Variants in NANOS3 observed in about 807,000 individuals in gnomAD.
The protein encoded by NANOS3 is nanos homolog 3.
A neutral mutation model predicts 13.8 loss-of-function variants in NANOS3; 11 were observed. That is an observed-to-expected ratio of 0.80 (90% CI 0.50 to 1.32). The LOEUF is 1.32. Among genes scored for constraint, NANOS3 ranks in the 40% most tolerant of loss-of-function variants. The probability of loss-of-function intolerance (pLI) is 0.00; values close to 1 mark genes in which losing one functional copy is unlikely to be tolerated. For synonymous variants in NANOS3, 119 were observed against 115.4 expected (o/e 1.03, Z -0.20); for missense variants, 221 against 263.8 (o/e 0.84, Z 1.12).
upstream of NANOS3, among the ~76,000 whole-genome samples, chr19:13,873,928 A>T (rs751150234): frequency 6.6e-6 from 1 of 151,872 alleles, no homozygotes; most frequent in Non-Finnish European, 1.5e-5. Flanking sequence ...TGGTCGCCGA[A>T]CTCTGTGCGA....
At chr19:13,879,065 G>T (rs964714605) in intron 1 of NANOS3, among the ~76,000 whole-genome samples, 1 of 151,946 alleles carries the variant, frequency 6.6e-6, no homozygotes, top group African/African-American at 2.4e-5. Context: ...TCAGCCTCCC[G>T]AGTAGCTGGG....
upstream of NANOS3, among the ~76,000 whole-genome samples, chr19:13,876,880 A>G (rs1968523541): frequency 6.6e-6 from 1 of 152,118 alleles, no homozygotes; most frequent in Non-Finnish European, 1.5e-5. Context: ...GGACTCCTAC[A>G]AGGAGGGGAG....
upstream of NANOS3, among the ~76,000 whole-genome samples, chr19:13,872,535 T>C (rs1219309414): frequency 6.6e-6 from 1 of 152,098 alleles, no homozygotes; most frequent in Non-Finnish European, 1.5e-5. Flanking sequence ...GTCCACAAAA[T>C]GGGTATATCC....
rs1338936655 is a variant in NANOS3 at position 13,877,168 on chromosome 19, A to T, written c.-81A>T. The T allele has an allele frequency of 1.7e-6, 2 of 1,188,764 alleles. No individual in the cohort carries two copies. Among genetic ancestry groups the T allele is most frequent in the Non-Finnish European group, 2.4e-6 (2 of 830,080 alleles). The allele number at this position is 1,188,764 out of a possible 1,614,324, so 73.6% of individuals were successfully genotyped here. ...AGAGGGGAAGGAAGGGGCAGCAGAG[A>T]GGGGTCAGAAGGAGGGAGCTTAAGC... On this transcript the variant is annotated 5_prime_UTR_variant, in exon 1 of 2. Coordinates refer to ENST00000339133, the MANE Select transcript of NANOS3 (RefSeq NM_001098622.3).
chr19:13,877,347 G>A lies in NANOS3; in HGVS notation c.99G>A (p.Gln33=). ...GTCCTGAAACCAGGCTGAGCCCCCAGCCAGAGCCAGAGCCAATGCTGGAGC... is the reference window on the plus strand; with the variant it reads ...GTCCTGAAACCAGGCTGAGCCCCCAACCAGAGCCAGAGCCAATGCTGGAGC... ...KEGPETRLSP[Q]PEPEPMLEPV... The change falls in exon 1 of 2, where the codon CAG becomes CAA. Residue 33 remains glutamine (Q), a synonymous_variant. Coordinates refer to ENST00000339133, the MANE Select transcript of NANOS3 (RefSeq NM_001098622.3). 1 of 1,612,404 alleles carries A rather than the reference G, an allele frequency of 6.2e-7. No individual in the cohort carries two copies. The highest frequency in any genetic ancestry group is 1.1e-5 in the South Asian group (1 of 91,082).
intron 1 of NANOS3, among the ~76,000 whole-genome samples, chr19:13,866,088 C>T (rs1331743264): frequency 6.6e-6 from 1 of 152,142 alleles, no homozygotes; most frequent in African/African-American, 2.4e-5. Context: ...GGCCGCCCCT[C>T]CGGCCTGTCA....
At chr19:13,876,347 A>G (rs1968511646), upstream of NANOS3, among the ~76,000 whole-genome samples, 1 of 151,992 alleles carries the variant, frequency 6.6e-6, no homozygotes, top group East Asian at 1.9e-4. Context: ...TTTAGTAGAG[A>G]CAGGGTTTCA....
At chr19:13,880,199 G>C (rs1430569417) in intron 1 of NANOS3, among the ~76,000 whole-genome samples, 1 of 152,146 alleles carries the variant, frequency 6.6e-6, no homozygotes, top group Non-Finnish European at 1.5e-5. Context: ...GGGGACCCCA[G>C]AGCACGGCGG....
chr19:13,869,456 G>A (rs959529862), intron 1 of NANOS3, among the ~76,000 whole-genome samples: 2 of 152,114 alleles, frequency 1.3e-5, no homozygotes, highest in African/African-American at 2.4e-5. Flanking sequence ...CACCGCCCAC[G>A]GGCTGGGTGG....
At chr19:13,874,586 CTGAAAAGCGT>C, upstream of NANOS3, 1 of 399,168 alleles carries the variant, frequency 2.5e-6, no homozygotes, top group South Asian at 1.8e-5. Flanking sequence ...CAAACAGCAC[CTGAAAAGCGT>C]TTGTTTATTT....
chr19:13,880,383 T>C (rs1308135927), intron 1 of NANOS3, 59 bp from the exon 2 acceptor site: 9 of 1,551,226 alleles, frequency 5.8e-6, no homozygotes, highest in Admixed American at 1.7e-5. Flanking sequence ...CGTGGGCAAC[T>C]TGGGGAGCGT....
upstream of NANOS3, among the ~76,000 whole-genome samples, chr19:13,874,439 A>G (rs1968467625): frequency 6.6e-6 from 1 of 152,170 alleles, no homozygotes; most frequent in African/African-American, 2.4e-5. Flanking sequence ...CACCTCCAGG[A>G]TCACTTTGTG....
chr19:13,862,791 C>A (rs1203404547), upstream of NANOS3, among the ~76,000 whole-genome samples: 1 of 152,234 alleles, frequency 6.6e-6, no homozygotes, highest in Non-Finnish European at 1.5e-5. Flanking sequence ...CCCGCCTCGG[C>A]CTCCCAAAAT....
At chr19:13,866,553 TA>T (rs1284241288) in intron 1 of NANOS3, among the ~76,000 whole-genome samples, 1 of 152,186 alleles carries the variant, frequency 6.6e-6, no homozygotes, top group East Asian at 1.9e-4. Context: ...GCCACGTGTG[TA>T]GACACGTCAC....
intron 1 of NANOS3, among the ~76,000 whole-genome samples, chr19:13,870,075 G>C (rs1255305414): frequency 6.6e-6 from 1 of 151,464 alleles, no homozygotes; most frequent in Non-Finnish European, 1.5e-5. Flanking sequence ...TTTGAGACAG[G>C]GTCTCACTCC....
chr19:13,868,378 C>T (rs1976274136), intron 1 of NANOS3, among the ~76,000 whole-genome samples: 1 of 151,846 alleles, frequency 6.6e-6, no homozygotes, highest in African/African-American at 2.4e-5. Flanking sequence ...ATTTATTGAG[C>T]ATCTGTTATG....
chr19:13,875,361 A>G (rs1488119945), upstream of NANOS3, among the ~76,000 whole-genome samples: 1 of 151,522 alleles, frequency 6.6e-6, no homozygotes, highest in African/African-American at 2.4e-5. Context: ...TAATTTTTGT[A>G]TTTTTAGTAG....
Position 13,880,507 on chromosome 19 carries a change from G to A in NANOS3, c.*4G>A. ...CTCTCCCTCCATGTCCACCTAGGAGGCTGCCTACACCTGGGCAAGGGCACC... is the reference window on the plus strand; with the variant it reads ...CTCTCCCTCCATGTCCACCTAGGAGACTGCCTACACCTGGGCAAGGGCACC... On this transcript the variant is annotated 3_prime_UTR_variant, in exon 2 of 2. Transcript: ENST00000339133. 1.2e-6 allele frequency: 2 copies of A among 1,613,410 alleles called. No homozygotes were observed. Among genetic ancestry groups the A allele is most frequent in the East Asian group, 2.2e-5 (1 of 44,866 alleles).
intron 1 of NANOS3, among the ~76,000 whole-genome samples, chr19:13,868,839 C>T (rs936623651): frequency 6.6e-6 from 1 of 151,926 alleles, no homozygotes; most frequent in Admixed American, 6.6e-5. Flanking sequence ...GCTCACATGT[C>T]GACCTGGAAT....
Sources: gnomAD v4.1 joint callset for allele counts (sites outside exome capture counted in the v4.1 genomes callset) on GRCh38, gnomAD v4.1.1 for gene constraint, MANE v1.5 for transcripts, NCBI Gene and HGNC (gene_info 2026-07-23, HGNC 2026-07-21) for gene names.